The following LRRC4C variants were observed in gnomAD, a reference collection of about 807,000 sequenced individuals.
The protein encoded by LRRC4C is leucine-rich repeat-containing protein 4C.
LRRC4C carries 5 observed loss-of-function variants against 33.6 expected under a neutral mutation model. That is an observed-to-expected ratio of 0.15 (90% CI 0.08 to 0.31). LRRC4C has a LOEUF of 0.31. Ranked by LOEUF, LRRC4C falls within the 10% of genes least tolerant of loss-of-function variation. The pLI is 1.00. For synonymous variants in LRRC4C, 329 were observed against 302.0 expected (o/e 1.09, Z -0.93); for missense variants, 560 against 796.7 (o/e 0.70, Z 3.58).
At chr11:41,025,042 G>A (rs1192461277) in intron 1 of LRRC4C, among the ~76,000 whole-genome samples, 2 of 151,608 alleles carry the variant, frequency 1.3e-5, no homozygotes, top group South Asian at 4.2e-4. Context: ...ATAGATAAAT[G>A]TGTGTTCTCA....
chr11:40,807,158 C>G (rs189484163), intron 2 of LRRC4C, among the ~76,000 whole-genome samples: 2 of 152,250 alleles, frequency 1.3e-5, no homozygotes, highest in Admixed American at 1.3e-4. Flanking sequence ...TTACTCCTCA[C>G]CCCCACACAG....
chr11:40,917,542 TAAC>T (rs773614711), intron 2 of LRRC4C, among the ~76,000 whole-genome samples: 2 of 152,080 alleles, frequency 1.3e-5, no homozygotes, highest in Non-Finnish European at 2.9e-5. Flanking sequence ...GATAACATTA[TAAC>T]AACAGACACA....
chr11:41,390,992 A>T (rs913892739), intron 1 of LRRC4C, among the ~76,000 whole-genome samples: 1 of 151,682 alleles, frequency 6.6e-6, no homozygotes, highest in Non-Finnish European at 1.5e-5. Flanking sequence ...TTAAAAAAAA[A>T]AAAAAAGTGT....
At chr11:41,239,392 T>A (rs1409779690) in intron 1 of LRRC4C, among the ~76,000 whole-genome samples, 3 of 142,586 alleles carry the variant, frequency 2.1e-5, no homozygotes, top group African/African-American at 5.2e-5. Context: ...ATTGCCAAAA[T>A]ACTATTAATG....
chr11:40,851,763 C>T (rs893521388), intron 2 of LRRC4C, among the ~76,000 whole-genome samples: 16 of 151,952 alleles, frequency 1.1e-4, no homozygotes, highest in East Asian at 1.9e-4. Flanking sequence ...AGTGAGACTC[C>T]GTCTCAAAAA....
At chr11:40,779,055 G>A (rs528749447) in intron 2 of LRRC4C, among the ~76,000 whole-genome samples, 1 of 152,268 alleles carries the variant, frequency 6.6e-6, no homozygotes, top group Middle Eastern at 3.4e-3. Flanking sequence ...ACAGGAAGAC[G>A]AGTTAAGTGA....
At chr11:41,255,659 C>T (rs549039963) in intron 1 of LRRC4C, among the ~76,000 whole-genome samples, 43 of 152,048 alleles carry the variant, frequency 2.8e-4, no homozygotes, top group East Asian at 5.8e-4. Context: ...ATTATTCCCC[C>T]CTCTGACATC....
chr11:40,440,004 G>A (rs1165450021), intron 3 of LRRC4C, among the ~76,000 whole-genome samples: 2 of 152,144 alleles, frequency 1.3e-5, no homozygotes, highest in African/African-American at 2.4e-5. Context: ...ATAATTACTG[G>A]CTGCTTTCAG....
intron 3 of LRRC4C, among the ~76,000 whole-genome samples, chr11:40,474,187 C>T (rs949300016): frequency 6.6e-6 from 1 of 152,026 alleles, no homozygotes; most frequent in Non-Finnish European, 1.5e-5. Context: ...CATCAGGTTA[C>T]AAGGCTATAA....
At chr11:40,687,884 T>C (rs1234490961) in intron 2 of LRRC4C, among the ~76,000 whole-genome samples, 3 of 152,084 alleles carry the variant, frequency 2.0e-5, no homozygotes, top group Non-Finnish European at 4.4e-5. Flanking sequence ...TTACAAACAA[T>C]GAGAACATCT....
chr11:41,449,502 T>C (rs12795189), intron 1 of LRRC4C, among the ~76,000 whole-genome samples: 16,398 of 152,086 alleles, frequency 0.11, 1,147 homozygotes, highest in Non-Finnish European at 0.15. Flanking sequence ...ATTCTGGCCC[T>C]GAAAATCACT....
At chr11:40,311,967 A>G (rs1945335767) in intron 4 of LRRC4C, among the ~76,000 whole-genome samples, 1 of 146,672 alleles carries the variant, frequency 6.8e-6, no homozygotes, top group African/African-American at 2.5e-5. Flanking sequence ...AAAAAAAAGT[A>G]CTTTTCCCCT....
At chr11:40,871,425 T>C (rs1333057576) in intron 2 of LRRC4C, among the ~76,000 whole-genome samples, 1 of 152,032 alleles carries the variant, frequency 6.6e-6, no homozygotes, top group East Asian at 1.9e-4. Flanking sequence ...CTGTAAAATT[T>C]CTCTCTTTTG....
At position 41,428,835 on chromosome 11, in the gene LRRC4C, G is replaced by A. The variant is rs989481453; in HGVS notation, c.-496+30596C>T. On this transcript the variant is annotated intron_variant, in intron 1 of 6. Coordinates refer to ENST00000528697, the MANE Select transcript of LRRC4C (RefSeq NM_001258419.2). ...TTGTAGTCTAATTGAGGAGACAGAT[G>A]TAATTAAATAGTCCCTAAAAGGCCA... 7.9e-5 allele frequency among the ~76,000 whole-genome samples: 12 copies of A among 152,252 alleles called. No homozygotes were observed. The South Asian group carries it at 2.3e-3, about 29-fold the overall frequency.
chr11:40,441,853 G>T (rs906436024), intron 3 of LRRC4C, among the ~76,000 whole-genome samples: 6 of 152,084 alleles, frequency 3.9e-5, no homozygotes, highest in Non-Finnish European at 7.4e-5. Flanking sequence ...CACACAGCAG[G>T]TCATTATGCA....
intron 2 of LRRC4C, among the ~76,000 whole-genome samples, chr11:40,931,909 C>A (rs147677661): frequency 6.6e-6 from 1 of 151,930 alleles, no homozygotes; most frequent in Non-Finnish European, 1.5e-5. Flanking sequence ...GTCAGAGGAT[C>A]GATCCTTCAG....
chr11:40,954,610 A>C (rs954897025), intron 1 of LRRC4C, among the ~76,000 whole-genome samples: 10 of 152,004 alleles, frequency 6.6e-5, no homozygotes, highest in African/African-American at 9.6e-5. Context: ...GACCATATAA[A>C]GTATGGTTAA....
At chr11:41,446,314 C>T (rs1022016340) in intron 1 of LRRC4C, among the ~76,000 whole-genome samples, 4 of 152,204 alleles carry the variant, frequency 2.6e-5, no homozygotes, top group African/African-American at 4.8e-5. Context: ...CACCTCAATA[C>T]GGAGAGACTT....
chr11:41,238,956 C>A (rs544350006), intron 1 of LRRC4C, among the ~76,000 whole-genome samples: 2 of 152,050 alleles, frequency 1.3e-5, no homozygotes, highest in Non-Finnish European at 2.9e-5. Context: ...TATATTTTTA[C>A]ATTTAGAAAG....
Sources: allele counts gnomAD v4.1 joint callset (sites outside exome capture counted in the v4.1 genomes callset), GRCh38; gene constraint gnomAD v4.1.1; transcripts MANE v1.5; gene names NCBI Gene and HGNC (gene_info 2026-07-23, HGNC 2026-07-21).